HTR1F: variants seen among roughly 807,000 people sequenced by gnomAD.
HTR1F encodes the protein 5-hydroxytryptamine (serotonin) receptor 1F, G protein-coupled.
Under a neutral mutation model 24.0 loss-of-function variants are expected in HTR1F, and 17 were observed. The ratio of observed to expected loss-of-function variants is 0.71; its 90% CI spans 0.48 to 1.06. The LOEUF (loss-of-function observed/expected upper bound fraction) is 1.06. Ranked by LOEUF, HTR1F falls within the 50% of genes least tolerant of loss-of-function variation. The pLI is 0.00. For missense variants in HTR1F, 391 were observed against 427.8 expected, an observed-to-expected ratio of 0.91 and a Z score of 0.76; for synonymous variants, 186 against 156.8, an observed-to-expected ratio of 1.19 and a Z score of -1.39.
At chr3:87,990,433 G>A (rs185675896) in intron 2 of HTR1F, among the ~76,000 whole-genome samples, 1 of 152,236 alleles carries the variant, frequency 6.6e-6, no homozygotes, top group African/African-American at 2.4e-5. Context: ...TAATGGCAGA[G>A]ATTTCACTGA....
intron 2 of HTR1F, among the ~76,000 whole-genome samples, chr3:87,963,817 C>T (rs1433544879): frequency 6.6e-6 from 1 of 152,126 alleles, no homozygotes; most frequent in Non-Finnish European, 1.5e-5. Flanking sequence ...TATCTAGCAA[C>T]ATATGTGCTT....
At chr3:87,952,314 C>A (rs993455944) in intron 2 of HTR1F, among the ~76,000 whole-genome samples, 9 of 151,892 alleles carry the variant, frequency 5.9e-5, no homozygotes, top group African/African-American at 2.2e-4. Context: ...TATACCTGGG[C>A]TTATAGTTTC....
intron 2 of HTR1F, among the ~76,000 whole-genome samples, chr3:87,952,281 C>A (rs570400897): frequency 1.3e-5 from 2 of 151,920 alleles, no homozygotes; most frequent in African/African-American, 2.4e-5. Flanking sequence ...AATAATTAGA[C>A]CTTTTTAATA....
intron 2 of HTR1F, among the ~76,000 whole-genome samples, chr3:87,914,581 C>T (rs891702630): frequency 1.3e-4 from 20 of 152,024 alleles, no homozygotes; most frequent in Non-Finnish European, 1.5e-5. Flanking sequence ...TTTCCCCCCA[C>T]TTCCCTGACA....
chr3:87,872,037 A>T (rs1705569385), intron 2 of HTR1F, among the ~76,000 whole-genome samples: 1 of 152,158 alleles, frequency 6.6e-6, no homozygotes, highest in African/African-American at 2.4e-5. Flanking sequence ...ACTTGAAAAG[A>T]TTGAAATCAT....
chr3:87,992,055 A>C lies in HTR1F; in HGVS notation c.*205A>C. On this transcript the variant is annotated 3_prime_UTR_variant, in exon 3 of 3. Coordinates refer to ENST00000319595, the MANE Select transcript of HTR1F (RefSeq NM_001322209.2). Reference sequence around the variant, plus strand: ...TCTAGGGTATTCAAAATTAGAAAATAATTTATGTAGGTTATAAACAATATT... The same window carrying C: ...TCTAGGGTATTCAAAATTAGAAAATCATTTATGTAGGTTATAAACAATATT... 1 of 370,028 alleles carries C rather than the reference A, an allele frequency of 2.7e-6. No individual in the cohort carries two copies. The highest frequency in any genetic ancestry group is 4.9e-6 in the Non-Finnish European group (1 of 202,752). 22.9% of individuals were successfully genotyped at this position (370,028 alleles called of 1,614,324 possible).
At chr3:87,834,895 A>G (rs1704651781) in intron 2 of HTR1F, among the ~76,000 whole-genome samples, 1 of 152,164 alleles carries the variant, frequency 6.6e-6, no homozygotes, top group Non-Finnish European at 1.5e-5. Context: ...GCAATGGTAG[A>G]GTTAAGTAGT....
intron 2 of HTR1F, among the ~76,000 whole-genome samples, chr3:87,889,019 C>T (rs1284067722): frequency 6.6e-6 from 1 of 152,132 alleles, no homozygotes; most frequent in Non-Finnish European, 1.5e-5. Context: ...GATTAATGCT[C>T]TTCCTGGTGG....
chr3:87,970,955 G>C (rs1705273595), intron 2 of HTR1F, among the ~76,000 whole-genome samples: 1 of 152,060 alleles, frequency 6.6e-6, no homozygotes, highest in South Asian at 2.1e-4. Context: ...ATCTGCCTTT[G>C]TTCACCTTCC....
intron 2 of HTR1F, among the ~76,000 whole-genome samples, chr3:87,826,008 G>A (rs2107136956): frequency 6.6e-6 from 1 of 152,296 alleles, no homozygotes; most frequent in South Asian, 2.1e-4. Flanking sequence ...TTGTTGTGAA[G>A]ACTAAATAAG....
chr3:87,889,931 A>G (rs1445514386), intron 2 of HTR1F, among the ~76,000 whole-genome samples: 1 of 152,210 alleles, frequency 6.6e-6, no homozygotes, highest in Non-Finnish European at 1.5e-5. Flanking sequence ...GAAAGTAATA[A>G]CACATTCTGA....
chr3:87,948,081 T>C (rs1704751027), intron 2 of HTR1F, among the ~76,000 whole-genome samples: 1 of 152,138 alleles, frequency 6.6e-6, no homozygotes, highest in East Asian at 1.9e-4. Context: ...TTCTGAAAAA[T>C]GTTATAAAAC....
intron 2 of HTR1F, among the ~76,000 whole-genome samples, chr3:87,944,285 C>T (rs1045722304): frequency 6.6e-6 from 1 of 152,156 alleles, no homozygotes; most frequent in Non-Finnish European, 1.5e-5. Flanking sequence ...AGTTCTTATG[C>T]AAATTCATTT....
chr3:87,881,499 C>A (rs531617050), intron 2 of HTR1F, among the ~76,000 whole-genome samples: 1 of 152,218 alleles, frequency 6.6e-6, no homozygotes, highest in Non-Finnish European at 1.5e-5. Context: ...CCTCTGGGGG[C>A]AGGGAATGGC....
chr3:87,830,151 T>C (rs1435743500), intron 2 of HTR1F, among the ~76,000 whole-genome samples: 2 of 152,190 alleles, frequency 1.3e-5, no homozygotes, highest in East Asian at 1.9e-4. Context: ...GTTGACACAG[T>C]CTTTTTGTGA....
chr3:87,899,800 T>C (rs928022971), intron 2 of HTR1F, among the ~76,000 whole-genome samples: 1 of 151,566 alleles, frequency 6.6e-6, no homozygotes, highest in African/African-American at 2.4e-5. Flanking sequence ...GAGATGGAGG[T>C]TGCAGTGAGC....
intron 2 of HTR1F, among the ~76,000 whole-genome samples, chr3:87,840,233 C>A (rs933520266): frequency 2.0e-5 from 3 of 151,892 alleles, no homozygotes; most frequent in African/African-American, 7.3e-5. Context: ...TTGTTTAAGA[C>A]CCTTATAGAT....
At chr3:87,982,221 C>T (rs1254250639) in intron 2 of HTR1F, among the ~76,000 whole-genome samples, 1 of 152,160 alleles carries the variant, frequency 6.6e-6, no homozygotes, top group Admixed American at 6.5e-5. Context: ...CTGTGCCCTG[C>T]CCTTTCTAAA....
At position 87,965,543 on chromosome 3, in the gene HTR1F, A is replaced by T. The variant is rs180863003; in HGVS notation, c.-42-25165A>T. Among the ~76,000 whole-genome samples, 218 of 152,336 alleles carry T rather than the reference A, an allele frequency of 1.4e-3. 1 individual carries two copies. Among genetic ancestry groups the T allele is most frequent in the Non-Finnish European group, 7.6e-4 (52 of 68,024 alleles). The stretch of plus-strand genomic sequence containing the variant: ...CATCATTTCCTTTTGGACCTTCCAT[A>T]CAGTTAAAAAGCCTTTTGAAAGTAT... On this transcript the variant is annotated intron_variant, in intron 2 of 2. Coordinates refer to ENST00000319595, the MANE Select transcript of HTR1F (RefSeq NM_001322209.2).
Sources: allele counts gnomAD v4.1 joint callset (sites outside exome capture counted in the v4.1 genomes callset), GRCh38; gene constraint gnomAD v4.1.1; transcripts MANE v1.5; gene names NCBI Gene and HGNC (gene_info 2026-07-23, HGNC 2026-07-21).